ADAMTS4: variants seen among roughly 807,000 people sequenced by gnomAD.
ADAMTS4 encodes A disintegrin and metalloproteinase with thrombospondin motifs 4.
Under a neutral mutation model 66.7 loss-of-function variants are expected in ADAMTS4, and 38 were observed. The ratio of observed to expected loss-of-function variants is 0.57; its 90% confidence interval spans 0.44 to 0.75. ADAMTS4 has a LOEUF of 0.75. Among genes scored for constraint, ADAMTS4 ranks in the 30% least tolerant of loss-of-function variants. The pLI is 0.00. For missense variants in ADAMTS4, 1,014 were observed against 1,116.7 expected (o/e 0.91, Z 1.31); for synonymous variants, 418 against 461.5 (o/e 0.91, Z 1.21).
Position 161,196,869 on chromosome 1 carries a change from T to A in ADAMTS4, c.645A>T (p.Ser215=). 6.2e-7 allele frequency: 1 copy of A among 1,600,668 alleles called. No homozygotes were observed. Residue 215 remains serine, a synonymous_variant, in exon 2 of 9, where the codon TCA becomes TCT. Transcript: ENST00000367996. ...CCAGTGTCTCCACAAATCTACTCAG[T>A]GAAGCAAAGCGCTGTAGAGAAAAAG... is the stretch of plus-strand genomic sequence containing the variant. ...PRPRRAKRFA[S]LSRFVETLVV...
In ADAMTS4 at chr1:161,185,722, G is replaced by C. The variant is rs1327974911; in HGVS notation, c.*5416C>G. ...TTAGAAAACAAAATACTGTAATACTGTATGAAGATTACAGAAATGAGACTA... is the reference window on the plus strand; with the variant it reads ...TTAGAAAACAAAATACTGTAATACTCTATGAAGATTACAGAAATGAGACTA... On this transcript the variant is annotated 3_prime_UTR_variant, in exon 9 of 9. Coordinates refer to ENST00000367996, the MANE Select transcript of ADAMTS4 (RefSeq NM_005099.6). The C allele has an allele frequency of 6.6e-6, 1 of 152,074 alleles. No individual in the cohort carries two copies. Among genetic ancestry groups the C allele is most frequent in the East Asian group, 1.9e-4 (1 of 5,186 alleles). The allele number at this position is 152,074 out of a possible 1,614,324, so 9.4% of individuals were successfully genotyped here.
chr1:161,195,546 CA>C lies in ADAMTS4; in HGVS notation c.1179del (p.Val394Ter), dbSNP rs767698654. 1 of 1,614,084 alleles carries C rather than the reference CA, an allele frequency of 6.2e-7. No individual in the cohort carries two copies. The highest frequency in any genetic ancestry group is 1.1e-5 in the South Asian group (1 of 91,080). ...TCCTCAGGATCCACATGAGCCATCA[CA>C]GGGGCCATGACATGGCGAGAGGTGC... ...PLSTSRHVMAPVMAHVDPEEP... is the reference protein window; with the variant it reads ...PLSTSRHVMAXVMAHVDPEEP... On this transcript the variant is annotated frameshift_variant, in exon 4 of 9. Transcript: ENST00000367996. LOFTEE classifies it high-confidence loss of function.
chr1:161,195,629 A>C lies in ADAMTS4; in HGVS notation c.1097T>G (p.Val366Gly). 1 of 1,611,526 alleles carries C rather than the reference A, an allele frequency of 6.2e-7. No homozygotes were observed. Among genetic ancestry groups the C allele is most frequent in the Non-Finnish European group, 8.5e-7 (1 of 1,178,664 alleles). The change falls in exon 4 of 9, where the codon GTC becomes GGC. Residue 366 changes from valine (V) to glycine (G), a missense_variant. Physicochemically the swap from Val to Gly is moderately radical, Grantham distance 109. Coordinates refer to ENST00000367996, the MANE Select transcript of ADAMTS4 (RefSeq NM_005099.6). ...AFTAAHELGH[V>G]FNMLHDNSKP... ...GGAGTTGTCATGGAGCATGTTGAAG[A>C]CATGACCTGTGGGAGCAAAGGCCCT...
chr1:161,197,046 C>A, intron 1 of ADAMTS4, 166 bp from the exon 2 acceptor site: 3 of 629,466 alleles, frequency 4.8e-6, no homozygotes. Context: ...TGGGCCCTTC[C>A]CCCAACGCCA....
Position 161,193,460 on chromosome 1 carries a change from G to T in ADAMTS4, c.1736-72C>A. The stretch of plus-strand genomic sequence containing the variant: ...CCCCACATCCCTCCACCCAACCCCT[G>T]AGAACTCTAGACAGCACAGCTCTGC... On this transcript the variant is annotated intron_variant, in intron 6 of 8. Transcript: ENST00000367996. The surrounding 1 kb of genome is among the most constrained non-coding windows in gnomAD (Gnocchi z 4.4). 1 of 1,565,182 alleles carries T rather than the reference G, an allele frequency of 6.4e-7. No homozygotes were observed. The highest frequency in any genetic ancestry group is 2.3e-5 in the East Asian group (1 of 44,368).
chr1:161,195,963 AGAGGAGTT>A, intron 3 of ADAMTS4, 200 bp downstream of exon 3: 6 of 577,130 alleles, frequency 1.0e-5, no homozygotes, highest in Non-Finnish European at 1.5e-5. Context: ...ACACACACAC[AGAGGAGTT>A]CACAGTAGTT....
chr1:161,198,564 G>A lies in ADAMTS4; in HGVS notation c.64C>T (p.Pro22Ser). The A allele has an allele frequency of 6.4e-7, 1 of 1,558,428 alleles. No individual in the cohort carries two copies. The highest frequency in any genetic ancestry group is 8.7e-7 in the Non-Finnish European group (1 of 1,151,700). ...LAGRWLWGAQPCLLLPIVPLS... is the reference protein window; with the variant it reads ...LAGRWLWGAQSCLLLPIVPLS... The stretch of plus-strand genomic sequence containing the variant: ...GGCACAATGGGGAGCAGGAGGCAGG[G>A]TTGGGCTCCCCACAGCCAGCGCCCT... The change falls in exon 1 of 9, where the codon CCC (proline) becomes TCC (serine). Residue 22 changes from proline to serine, a missense_variant. By Grantham distance (74) the Pro-to-Ser change is moderately conservative. Transcript: ENST00000367996. The surrounding 1 kb of genome is among the most constrained non-coding windows in gnomAD (Gnocchi z 4.7).
intron 1 of ADAMTS4, chr1:161,197,621 G>A (rs182756625): frequency 1.9e-5 from 4 of 216,058 alleles, no homozygotes; most frequent in Admixed American, 1.7e-4. Context: ...GGGAGTGGGG[G>A]ATGAAAATCA....
In ADAMTS4 at chr1:161,193,578, A is replaced by C; in HGVS notation, c.1735+62T>G. The C allele has an allele frequency of 6.4e-7, 1 of 1,555,014 alleles. No homozygotes were observed. Among genetic ancestry groups the C allele is most frequent in the Non-Finnish European group, 8.7e-7 (1 of 1,148,800 alleles). On this transcript the variant is annotated intron_variant, in intron 6 of 8. Transcript: ENST00000367996. The surrounding 1 kb of genome is among the most constrained non-coding windows in gnomAD (Gnocchi z 4.4). ...CAACACCCCCTTGGTCTTGCACTCAAGGGACAGTCCTTCCTGCTCTACTGT... is the reference window on the plus strand; with the variant it reads ...CAACACCCCCTTGGTCTTGCACTCACGGGACAGTCCTTCCTGCTCTACTGT...
chr1:161,194,267 G>A lies in ADAMTS4; in HGVS notation c.1262-46C>T. On this transcript the variant is annotated intron_variant, in intron 4 of 8. Coordinates refer to ENST00000367996, the MANE Select transcript of ADAMTS4 (RefSeq NM_005099.6). The surrounding 1 kb of genome is among the most constrained non-coding windows in gnomAD (Gnocchi z 4.1). Reference sequence around the variant, plus strand: ...CAAAGTCAGCAACGGGCTGAGGGGAGCATTCAGGATTGCCAGCAGAAAGCT... The same window carrying A: ...CAAAGTCAGCAACGGGCTGAGGGGAACATTCAGGATTGCCAGCAGAAAGCT... The A allele has an allele frequency of 1.3e-6, 2 of 1,575,248 alleles. No homozygotes were observed.
chr1:161,195,534 C>T lies in ADAMTS4; in HGVS notation c.1192G>A (p.Val398Met). 1 of 1,614,008 alleles carries T rather than the reference C, an allele frequency of 6.2e-7. No homozygotes were observed. The highest frequency in any genetic ancestry group is 8.5e-7 in the Non-Finnish European group (1 of 1,179,934). ...RHVMAPVMAHVDPEEPWSPCS... is the reference protein window; with the variant it reads ...RHVMAPVMAHMDPEEPWSPCS... Reference sequence around the variant, plus strand: ...GGGGACCAGGGCTCCTCAGGATCCACATGAGCCATCACAGGGGCCATGACA... The same window carrying T: ...GGGGACCAGGGCTCCTCAGGATCCATATGAGCCATCACAGGGGCCATGACA... Residue 398 changes from valine to methionine, a missense_variant, in exon 4 of 9, where the codon GTG becomes ATG. Coordinates refer to ENST00000367996, the MANE Select transcript of ADAMTS4 (RefSeq NM_005099.6).
rs963276091 is a variant in ADAMTS4, at chr1:161,185,384, G to T, written c.*5754C>A. 2 of 151,786 alleles carry T rather than the reference G, an allele frequency of 1.3e-5. No individual in the cohort carries two copies. Among genetic ancestry groups the T allele is most frequent in the African/African-American group, 4.8e-5 (2 of 41,248 alleles). 9.4% of individuals were successfully genotyped at this position (151,786 alleles called of 1,614,324 possible). On this transcript the variant is annotated 3_prime_UTR_variant, in exon 9 of 9. Coordinates refer to ENST00000367996, the MANE Select transcript of ADAMTS4 (RefSeq NM_005099.6). ...TTCCTAATGCTACTTAAGTACCCTG[G>T]GTCTGTCCCCATGTAAGATCCTGCC... is the stretch of plus-strand genomic sequence containing the variant.
chr1:161,193,934 C>T lies in ADAMTS4; in HGVS notation c.1548+1G>A. The T allele has an allele frequency of 6.4e-7, 1 of 1,573,764 alleles. No homozygotes were observed. Among genetic ancestry groups the T allele is most frequent in the Non-Finnish European group, 8.6e-7 (1 of 1,156,952 alleles). On this transcript the variant is annotated splice_donor_variant, in intron 5 of 8. Transcript: ENST00000367996. LOFTEE classifies it high-confidence loss of function. This position sits in a 1 kb window ranked among gnomAD's most constrained non-coding sequence, Gnocchi z 4.4. ...ACCCCACCCCTGCCCTAGGATCTCA[C>T]ATTGAAGTCCTGGAGCTGGTCCATG...
At position 161,192,361 on chromosome 1, in the gene ADAMTS4, G is replaced by A. The variant is rs577166007; in HGVS notation, c.1912-121C>T. 2.2e-5 allele frequency: 20 copies of A among 897,566 alleles called. No homozygotes were observed. In the African/African-American group the frequency reaches 3.2e-4, roughly 14 times the overall value. The allele number at this position is 897,566 out of a possible 1,614,324, so 55.6% of individuals were successfully genotyped here. ...TTGTCGGAAAAGTTGGATGAAGTAG[G>A]GGATGTAGATGGGTGAGTGCCGGCC... On this transcript the variant is annotated intron_variant, in intron 7 of 8. Coordinates refer to ENST00000367996, the MANE Select transcript of ADAMTS4 (RefSeq NM_005099.6).
chr1:161,193,404 A>G lies in ADAMTS4; in HGVS notation c.1736-16T>C, dbSNP rs1262794225. 4 of 1,609,266 alleles carry G rather than the reference A, an allele frequency of 2.5e-6. No individual in the cohort carries two copies. Among genetic ancestry groups the G allele is most frequent in the East Asian group, 4.5e-5 (2 of 44,738 alleles). On this transcript the variant is annotated splice_polypyrimidine_tract_variant and intron_variant, in intron 6 of 8. Coordinates refer to ENST00000367996, the MANE Select transcript of ADAMTS4 (RefSeq NM_005099.6). This position sits in a 1 kb window ranked among gnomAD's most constrained non-coding sequence, Gnocchi z 4.4. The stretch of plus-strand genomic sequence containing the variant: ...AAGGTCAGGGCTGGAGGGGTAAAAC[A>G]GTCAGAGCCCCTCCTTCCTTCCTCA...
chr1:161,196,391 C>T (rs1664838883), intron 2 of ADAMTS4, 88 bp from the exon 3 acceptor site: 1 of 1,535,002 alleles, frequency 6.5e-7, no homozygotes, highest in East Asian at 2.3e-5. Flanking sequence ...GACCTGGGCA[C>T]TGAGGACCCA....
chr1:161,195,210 G>A (rs1664781489), intron 4 of ADAMTS4, among the ~76,000 whole-genome samples: 1 of 152,210 alleles, frequency 6.6e-6, no homozygotes, highest in Non-Finnish European at 1.5e-5. Context: ...CATTCCAGTG[G>A]TGGACAGTTC....
At position 161,188,808 on chromosome 1, in the gene ADAMTS4, C is replaced by T. The variant is rs1382511533; in HGVS notation, c.*2330G>A. On this transcript the variant is annotated 3_prime_UTR_variant, in exon 9 of 9. Transcript: ENST00000367996. ...TCTCGACTCACTGTAAGCTCTGCCT[C>T]CCGGGTGCAAGTCATTCTCCTGCCT... 6.8e-6 allele frequency: 1 copy of T among 148,116 alleles called. No homozygotes were observed. Among genetic ancestry groups the T allele is most frequent in the Non-Finnish European group, 1.5e-5 (1 of 67,182 alleles). 9.2% of individuals were successfully genotyped at this position (148,116 alleles called of 1,614,324 possible).
In ADAMTS4 at chr1:161,193,143, T is replaced by C. The variant is rs2102012311; in HGVS notation, c.1911+70A>G. ...GGGTTACTTTGGGTGATCTTTGTTA[T>C]CAGAAAGCAGAGGGAGCACTGCGGG... On this transcript the variant is annotated intron_variant, in intron 7 of 8. Coordinates refer to ENST00000367996, the MANE Select transcript of ADAMTS4 (RefSeq NM_005099.6). This position sits in a 1 kb window ranked among gnomAD's most constrained non-coding sequence, Gnocchi z 4.4. 1 of 1,491,620 alleles carries C rather than the reference T, an allele frequency of 6.7e-7. No individual in the cohort carries two copies. Among genetic ancestry groups the C allele is most frequent in the Non-Finnish European group, 9.0e-7 (1 of 1,109,728 alleles). 92.4% of individuals were successfully genotyped at this position (1,491,620 alleles called of 1,614,324 possible).
Sources: gnomAD v4.1 joint callset for allele counts (sites outside exome capture counted in the v4.1 genomes callset) on GRCh38, gnomAD v4.1.1 for gene constraint, Gnocchi (gnomAD v3.1) non-coding constraint, MANE v1.5 for transcripts, NCBI Gene and HGNC (gene_info 2026-07-23, HGNC 2026-07-21) for gene names.